FOXN2: variants seen among roughly 807,000 people sequenced by gnomAD.
FOXN2 encodes the protein forkhead box N2, also known as forkhead box protein N2.
A neutral mutation model predicts 41.2 loss-of-function variants in FOXN2; 19 were observed. The ratio of observed to expected loss-of-function variants is 0.46; its 90% CI spans 0.32 to 0.68. FOXN2 has a LOEUF of 0.68. Ranked by LOEUF, FOXN2 falls within the 30% of genes least tolerant of loss-of-function variation. The probability of loss-of-function intolerance (pLI) is 0.03; values close to 1 mark genes in which losing one functional copy is unlikely to be tolerated. For synonymous variants in FOXN2, 195 were observed against 176.8 expected, an observed-to-expected ratio of 1.10 and a Z score of -0.82; for missense variants, 587 against 509.4, an observed-to-expected ratio of 1.15 and a Z score of -1.47.
chr2:48,374,793 T>A (rs1572787701), intron 6 of FOXN2, 127 bp from the exon 7 acceptor site: 2 of 794,090 alleles, frequency 2.5e-6, no homozygotes, highest in South Asian at 2.2e-5. Flanking sequence ...TAAAAAAAAA[T>A]AAAAAATCTA....
chr2:48,313,790 G>C (rs1668698563), upstream of FOXN2, among the ~76,000 whole-genome samples: 1 of 152,072 alleles, frequency 6.6e-6, no homozygotes, highest in Non-Finnish European at 1.5e-5. Flanking sequence ...GAGTTAGATA[G>C]GGTTCTCAGA....
chr2:48,356,060 G>T (rs1471587182), intron 3 of FOXN2, among the ~76,000 whole-genome samples: 1 of 152,142 alleles, frequency 6.6e-6, no homozygotes, highest in Non-Finnish European at 1.5e-5. Flanking sequence ...GGAGGCAGAG[G>T]TTGCAGTGAG....
chr2:48,358,296 C>T (rs1342882323), intron 3 of FOXN2, among the ~76,000 whole-genome samples: 1 of 151,766 alleles, frequency 6.6e-6, no homozygotes, highest in Admixed American at 6.6e-5. Flanking sequence ...TTAATATTCA[C>T]CTATTTTGCA....
intron 1 of FOXN2, among the ~76,000 whole-genome samples, chr2:48,316,725 A>G (rs753868580): frequency 3.9e-5 from 6 of 152,246 alleles, no homozygotes; most frequent in Non-Finnish European, 2.9e-5. Flanking sequence ...TTTGAATTTA[A>G]GGACAATCCT....
At chr2:48,322,721 GAT>G (rs562547006) in intron 1 of FOXN2, among the ~76,000 whole-genome samples, 1 of 147,146 alleles carries the variant, frequency 6.8e-6, no homozygotes, top group Non-Finnish European at 1.5e-5. Flanking sequence ...TGATATATTT[GAT>G]ATATATATAA....
In FOXN2 at chr2:48,319,129, T is replaced by C. The variant is rs933188627; in HGVS notation, c.-157+4315T>C. Among the ~76,000 whole-genome samples, 10 of 151,810 alleles carry C rather than the reference T, an allele frequency of 6.6e-5. No homozygotes were observed. In the South Asian group the frequency reaches 2.1e-3, roughly 32 times the overall value. Reference sequence around the variant, plus strand: ...CTTCTTGCTAGTGTTTTTACAGGTATTGGTGCTTCTGCCACTCAAAAGCCT... The same window carrying C: ...CTTCTTGCTAGTGTTTTTACAGGTACTGGTGCTTCTGCCACTCAAAAGCCT... On this transcript the variant is annotated intron_variant, in intron 1 of 6. Transcript: ENST00000340553.
At chr2:48,337,552 C>T (rs1158994269) in intron 2 of FOXN2, among the ~76,000 whole-genome samples, 4 of 151,974 alleles carry the variant, frequency 2.6e-5, no homozygotes, top group African/African-American at 9.7e-5. Context: ...ATGACCCGCC[C>T]ACCTCTGCCT....
At chr2:48,361,999 T>C (rs1216116609) in intron 4 of FOXN2, among the ~76,000 whole-genome samples, 1 of 152,208 alleles carries the variant, frequency 6.6e-6, no homozygotes, top group African/African-American at 2.4e-5. Flanking sequence ...GTATTATCTA[T>C]AGTTCCAGGC....
At chr2:48,336,755 G>A (rs1310375692) in intron 2 of FOXN2, among the ~76,000 whole-genome samples, 1 of 151,480 alleles carries the variant, frequency 6.6e-6, no homozygotes, top group African/African-American at 2.4e-5. Context: ...GAGACTACAA[G>A]GAAACAAAGG....
chr2:48,317,342 G>C (rs1186615864), intron 1 of FOXN2, among the ~76,000 whole-genome samples: 1 of 151,692 alleles, frequency 6.6e-6, no homozygotes, highest in African/African-American at 2.4e-5. Flanking sequence ...CCAGCTACTC[G>C]TGAGGCTGAG....
intron 4 of FOXN2, among the ~76,000 whole-genome samples, chr2:48,359,893 TAA>T (rs1672062108): frequency 1.3e-5 from 2 of 152,168 alleles, no homozygotes; most frequent in South Asian, 4.1e-4. Flanking sequence ...ACAAGATTAT[TAA>T]GTTTGTCATT....
chr2:48,362,364 G>C (rs1672245852), intron 4 of FOXN2, among the ~76,000 whole-genome samples: 1 of 152,162 alleles, frequency 6.6e-6, no homozygotes, highest in Non-Finnish European at 1.5e-5. Flanking sequence ...CCAGGAGTTT[G>C]AGACTAGCTT....
intron 5 of FOXN2, 99 bp from the exon 6 acceptor site, chr2:48,373,192 AC>A: frequency 2.5e-6 from 2 of 788,784 alleles, no homozygotes; most frequent in Non-Finnish European, 4.2e-6. Context: ...TAGAATATAC[AC>A]CAAAATTGTA....
chr2:48,352,220 G>C (rs72889604), intron 3 of FOXN2, among the ~76,000 whole-genome samples: 4,600 of 152,250 alleles, frequency 0.03, 220 homozygotes, highest in African/African-American at 0.1. Context: ...GTTACAGTTA[G>C]TAGTACCATG....
intron 2 of FOXN2, among the ~76,000 whole-genome samples, chr2:48,344,149 A>G (rs1670946560): frequency 6.6e-6 from 1 of 152,198 alleles, no homozygotes; most frequent in African/African-American, 2.4e-5. Flanking sequence ...TAAAATGAAT[A>G]ATTTGGTCAC....
rs780080447 is a variant in FOXN2, at chr2:48,374,159, G to A, written c.773-761G>A. 2.8e-4 allele frequency among the ~76,000 whole-genome samples: 42 copies of A among 151,760 alleles called. 1 individual carries two copies. Among genetic ancestry groups the A allele is most frequent in the African/African-American group, 9.7e-4 (40 of 41,432 alleles). On this transcript the variant is annotated intron_variant, in intron 6 of 6. Coordinates refer to ENST00000340553, the MANE Select transcript of FOXN2 (RefSeq NM_002158.4). ...CATGTTTTTTCCATATATAACAAAG[G>A]ATTAGTATCAAGTATATACATAAAA...
chr2:48,359,150 A>G lies in FOXN2; in HGVS notation c.638+3A>G, dbSNP rs754962196. 6.2e-7 allele frequency: 1 copy of G among 1,607,914 alleles called. No individual in the cohort carries two copies. The highest frequency in any genetic ancestry group is 8.5e-7 in the Non-Finnish European group (1 of 1,174,580). ...TTTTCTTCAGCATCTTCACAAAAGT[A>G]AGGATCTTCCATATAACTGTCAGTG... On this transcript the variant is annotated splice_donor_region_variant and intron_variant, in intron 4 of 6. Coordinates refer to ENST00000340553, the MANE Select transcript of FOXN2 (RefSeq NM_002158.4).
intron 2 of FOXN2, among the ~76,000 whole-genome samples, chr2:48,334,617 A>C (rs546341603): frequency 2.0e-5 from 3 of 152,300 alleles, no homozygotes; most frequent in African/African-American, 7.2e-5. Context: ...CAAAGGGGAG[A>C]GTACTTAGGC....
chr2:48,357,582 G>A (rs561952641), intron 3 of FOXN2, among the ~76,000 whole-genome samples: 10 of 150,966 alleles, frequency 6.6e-5, no homozygotes, highest in Admixed American at 1.3e-4. Flanking sequence ...GACTATAGGC[G>A]CGCACCACCA....
Sources: gnomAD v4.1 joint callset for allele counts (sites outside exome capture counted in the v4.1 genomes callset) on GRCh38, gnomAD v4.1.1 for gene constraint, MANE v1.5 for transcripts, NCBI Gene and HGNC (gene_info 2026-07-23, HGNC 2026-07-21) for gene names.